The following BCL2 variants were observed in gnomAD, a reference collection of about 807,000 sequenced individuals.
BCL2 encodes BCL2 apoptosis regulator.
BCL2 carries 1 observed loss-of-function variant against 14.2 expected under a neutral mutation model. That is an observed-to-expected ratio of 0.07 (90% CI 0.02 to 0.33). The LOEUF is 0.33. BCL2 is among the 10% of genes least tolerant of loss of function. The probability of loss-of-function intolerance (pLI) is 0.99; values close to 1 mark genes in which losing one functional copy is unlikely to be tolerated. For synonymous variants in BCL2, 151 were observed against 137.2 expected (o/e 1.10, Z -0.70); for missense variants, 247 against 305.9 (o/e 0.81, Z 1.44).
chr18:63,192,338 GT>G (rs1488397218), intron 2 of BCL2, among the ~76,000 whole-genome samples: 6 of 152,192 alleles, frequency 3.9e-5, no homozygotes, highest in Non-Finnish European at 7.3e-5. Context: ...CAGGAAGTCA[GT>G]TCGAGTGGCC....
intron 2 of BCL2, among the ~76,000 whole-genome samples, chr18:63,146,520 ACC>A (rs1914518342): frequency 6.6e-6 from 1 of 152,238 alleles, no homozygotes; most frequent in Non-Finnish European, 1.5e-5. Context: ...GCCTCCTTTA[ACC>A]CTTGAGGAGT....
intron 2 of BCL2, among the ~76,000 whole-genome samples, chr18:63,251,785 A>C (rs1451323437): frequency 6.7e-6 from 1 of 148,876 alleles, no homozygotes. Flanking sequence ...TACAAACTCC[A>C]CCTTCCGGGT....
chr18:63,232,936 T>C (rs984455126), intron 2 of BCL2, among the ~76,000 whole-genome samples: 1 of 152,252 alleles, frequency 6.6e-6, no homozygotes, highest in African/African-American at 2.4e-5. Flanking sequence ...TTCAGGTTGC[T>C]ATAACACAAA....
chr18:63,247,773 C>T (rs1006651016), intron 2 of BCL2, among the ~76,000 whole-genome samples: 1 of 152,138 alleles, frequency 6.6e-6, no homozygotes, highest in African/African-American at 2.4e-5. Context: ...GCTGGCCTCC[C>T]CATCACGTCA....
chr18:63,133,092 A>G (rs183791081), intron 2 of BCL2, among the ~76,000 whole-genome samples: 20 of 152,256 alleles, frequency 1.3e-4, no homozygotes, highest in African/African-American at 4.3e-4. Flanking sequence ...GCCACAGAGG[A>G]TCTGAGTTCC....
intron 2 of BCL2, among the ~76,000 whole-genome samples, chr18:63,248,365 T>G (rs988060617): frequency 1.3e-5 from 2 of 152,342 alleles, no homozygotes; most frequent in Middle Eastern, 3.4e-3. Context: ...AGATGCCATG[T>G]CCTTCACAGT....
chr18:63,134,725 C>T (rs1022760302), intron 2 of BCL2, among the ~76,000 whole-genome samples: 1 of 152,110 alleles, frequency 6.6e-6, no homozygotes, highest in Admixed American at 6.5e-5. Context: ...TCTATGTGCA[C>T]ATTTGAACTA....
chr18:63,185,837 C>T (rs1294500219), intron 2 of BCL2, among the ~76,000 whole-genome samples: 1 of 152,204 alleles, frequency 6.6e-6, no homozygotes, highest in Non-Finnish European at 1.5e-5. Context: ...GACTTGAACC[C>T]AGGCAATCTG....
At chr18:63,302,496 C>T (rs1392648485) in intron 2 of BCL2, 5 of 985,214 alleles carry the variant, frequency 5.1e-6, no homozygotes, top group Admixed American at 6.2e-5. Flanking sequence ...TGAAATACCA[C>T]GAAGCTCTAC....
At chr18:63,278,580 C>T (rs537831163) in intron 2 of BCL2, among the ~76,000 whole-genome samples, 4 of 152,266 alleles carry the variant, frequency 2.6e-5, no homozygotes, top group African/African-American at 9.6e-5. Flanking sequence ...TCTGATGTTT[C>T]CTCTTCCATC....
rs552191581 is a variant in BCL2 at position 63,270,366 on chromosome 18, T to A, written c.585+47716A>T. Among the ~76,000 whole-genome samples the A allele has an allele frequency of 5.9e-5, 9 of 152,322 alleles. No individual in the cohort carries two copies. In the South Asian group the frequency reaches 1.9e-3, roughly 32 times the overall value. On this transcript the variant is annotated intron_variant, in intron 2 of 2. Transcript: ENST00000333681. ...CAGTCAGGAAGTAGTTAATAAGTCA[T>A]CATACAGTAGTATAATGTAGCCTTA...
chr18:63,133,005 A>G (rs918244581), intron 2 of BCL2, among the ~76,000 whole-genome samples: 2 of 152,126 alleles, frequency 1.3e-5, no homozygotes, highest in Non-Finnish European at 2.9e-5. Flanking sequence ...GGCTCCTCCT[A>G]TGAGGAGGAG....
intron 2 of BCL2, among the ~76,000 whole-genome samples, chr18:63,296,030 CT>C (rs1454195875): frequency 6.6e-6 from 1 of 152,158 alleles, no homozygotes; most frequent in East Asian, 1.9e-4. Context: ...CAAGTCTTAC[CT>C]TTACACTGAA....
chr18:63,174,575 T>C (rs537212259), intron 2 of BCL2, among the ~76,000 whole-genome samples: 6 of 152,272 alleles, frequency 3.9e-5, no homozygotes, highest in Non-Finnish European at 8.8e-5. Context: ...ATCCCAGCAC[T>C]TTGGGAGGCC....
intron 2 of BCL2, among the ~76,000 whole-genome samples, chr18:63,299,053 A>C (rs1314333098): frequency 6.6e-6 from 1 of 152,224 alleles, no homozygotes; most frequent in Non-Finnish European, 1.5e-5. Flanking sequence ...CATCTGCAAG[A>C]CAAGGATAAA....
chr18:63,245,752 G>A (rs1486730675), intron 2 of BCL2, among the ~76,000 whole-genome samples: 1 of 152,192 alleles, frequency 6.6e-6, no homozygotes, highest in Non-Finnish European at 1.5e-5. Flanking sequence ...TCAAGAAGCA[G>A]GATGAAGAGT....
In BCL2 at chr18:63,128,372, A is replaced by G. The variant is rs1237816146; in HGVS notation, c.*253T>C. ...TGATGGGACTGTCTTAAATAAATAAATCTTTTTTTCTTAATAATGTAAAAA... is the reference window on the plus strand; with the variant it reads ...TGATGGGACTGTCTTAAATAAATAAGTCTTTTTTTCTTAATAATGTAAAAA... On this transcript the variant is annotated 3_prime_UTR_variant, in exon 3 of 3. Transcript: ENST00000333681. 2 of 366,850 alleles carry G rather than the reference A, an allele frequency of 5.5e-6. No homozygotes were observed. Among genetic ancestry groups the G allele is most frequent in the Non-Finnish European group, 4.9e-6 (1 of 203,038 alleles). 22.7% of individuals were successfully genotyped at this position (366,850 alleles called of 1,614,324 possible). A position where few individuals can be genotyped will look rare whatever the true frequency, so the allele number is the denominator to read the frequency against.
At chr18:63,251,232 G>C (rs997841350) in intron 2 of BCL2, among the ~76,000 whole-genome samples, 2 of 152,086 alleles carry the variant, frequency 1.3e-5, no homozygotes, top group Non-Finnish European at 2.9e-5. Flanking sequence ...GGCTCTGTAT[G>C]GTGGGTCAAG....
intron 2 of BCL2, among the ~76,000 whole-genome samples, chr18:63,312,287 C>T (rs992848874): frequency 1.4e-4 from 22 of 152,140 alleles, no homozygotes; most frequent in Admixed American, 1.4e-3. Flanking sequence ...AGGGGATGGT[C>T]ACAGGGGTGG....
Sources: allele counts gnomAD v4.1 joint callset (sites outside exome capture counted in the v4.1 genomes callset), GRCh38; gene constraint gnomAD v4.1.1; transcripts MANE v1.5; gene names NCBI Gene and HGNC (gene_info 2026-07-23, HGNC 2026-07-21).